Variants in RBFOX3 observed in about 807,000 individuals in gnomAD.
The protein encoded by RBFOX3 is RNA binding protein fox-1 homolog 3.
RBFOX3 carries 17 observed loss-of-function variants against 48.7 expected under a neutral mutation model. The ratio of observed to expected loss-of-function variants is 0.35; its 90% CI spans 0.24 to 0.52. RBFOX3 has a LOEUF of 0.52. Ranked by LOEUF, RBFOX3 falls within the 20% of genes least tolerant of loss-of-function variation. The pLI is 0.94. For missense variants in RBFOX3, 382 were observed against 497.5 expected (o/e 0.77, Z 2.21); for synonymous variants, 212 against 209.5 (o/e 1.01, Z -0.10).
At chr17:79,150,014 A>ATGGGGGTTGAGGGTGGGGGGGGGGGG (rs2044007288) in intron 4 of RBFOX3, among the ~76,000 whole-genome samples, 1 of 5,832 alleles carries the variant, frequency 1.7e-4, no homozygotes, top group Non-Finnish European at 3.4e-4. Context: ...GGGGATGGGG[A>ATGGGGGTTGAGGGTGGGGGGGGGGGG]TGGGGGTTGA....
At chr17:79,140,913 C>T (rs1469954038) in intron 4 of RBFOX3, among the ~76,000 whole-genome samples, 1 of 152,174 alleles carries the variant, frequency 6.6e-6, no homozygotes, top group Non-Finnish European at 1.5e-5. Context: ...CTTGAAAGGA[C>T]ACCTGGCTGT....
intron 1 of RBFOX3, among the ~76,000 whole-genome samples, chr17:79,567,928 T>C (rs949705306): frequency 6.6e-6 from 1 of 152,234 alleles, no homozygotes; most frequent in Non-Finnish European, 1.5e-5. Flanking sequence ...GCCTGACCTT[T>C]ACCTCTGCAC....
chr17:79,177,314 C>G (rs901396063), intron 4 of RBFOX3, among the ~76,000 whole-genome samples: 11 of 152,214 alleles, frequency 7.2e-5, no homozygotes, highest in Non-Finnish European at 1.3e-4. Flanking sequence ...GGCACGTGGG[C>G]TATCTTGGCC....
intron 4 of RBFOX3, among the ~76,000 whole-genome samples, chr17:79,187,029 C>T (rs979433878): frequency 2.0e-5 from 3 of 152,238 alleles, no homozygotes; most frequent in African/African-American, 4.8e-5. Flanking sequence ...TCAGTGTGTA[C>T]CTCTGTGAAA....
At chr17:79,630,628 C>T in the RBFOX3 span, among the ~76,000 whole-genome samples, 6 of 152,070 alleles carry the variant, frequency 3.9e-5, no homozygotes, top group Non-Finnish European at 8.8e-5. Context: ...AGGAAAAGGC[C>T]CAGCCCGTGT....
intron 1 of RBFOX3, among the ~76,000 whole-genome samples, chr17:79,559,718 G>A (rs1442539007): frequency 2.0e-5 from 3 of 146,792 alleles, no homozygotes; most frequent in African/African-American, 7.6e-5. Context: ...TGGATGATGG[G>A]TGGTGGATGG....
intron 1 of RBFOX3, among the ~76,000 whole-genome samples, chr17:79,570,595 T>A (rs2092639583): frequency 6.6e-6 from 1 of 152,152 alleles, no homozygotes; most frequent in African/African-American, 2.4e-5. Flanking sequence ...TGTATCTGAG[T>A]AATGTTTCCC....
intron 2 of RBFOX3, among the ~76,000 whole-genome samples, chr17:79,377,268 C>T (rs190011374): frequency 2.3e-4 from 35 of 152,200 alleles, no homozygotes; most frequent in Non-Finnish European, 3.7e-4. Flanking sequence ...CAGATGCATA[C>T]AGACATAATT....
chr17:79,310,749 G>A lies in RBFOX3; in HGVS notation c.-174-2925C>T, dbSNP rs143081010. On this transcript the variant is annotated intron_variant, in intron 2 of 14. Transcript: ENST00000693108. Reference sequence around the variant, plus strand: ...GACAAGTCACCCCCAGCGCTGCCTCGGCATTAAACATCTAATGCAAGTTAG... The same window carrying A: ...GACAAGTCACCCCCAGCGCTGCCTCAGCATTAAACATCTAATGCAAGTTAG... Among the ~76,000 whole-genome samples the A allele has an allele frequency of 1.1e-4, 17 of 152,246 alleles. No individual in the cohort carries two copies. The East Asian group carries it at 1.4e-3, about 12-fold the overall frequency.
At chr17:79,503,495 G>A (rs1263197367) in intron 1 of RBFOX3, among the ~76,000 whole-genome samples, 1 of 152,178 alleles carries the variant, frequency 6.6e-6, no homozygotes, top group Admixed American at 6.5e-5. Context: ...AATCAATACA[G>A]GGACTATCAA....
chr17:79,300,803 G>A (rs2075192601), intron 3 of RBFOX3, among the ~76,000 whole-genome samples: 1 of 152,204 alleles, frequency 6.6e-6, no homozygotes, highest in Admixed American at 6.5e-5. Context: ...CCTTGGTGAG[G>A]CACCTGGGGC....
chr17:79,659,253 C>T, the RBFOX3 span, among the ~76,000 whole-genome samples: 5 of 152,094 alleles, frequency 3.3e-5, no homozygotes, highest in South Asian at 4.2e-4. Context: ...TAAATCTTCC[C>T]GGAAAAAGAA....
chr17:79,660,673 GA>G, the RBFOX3 span, among the ~76,000 whole-genome samples: 1 of 152,214 alleles, frequency 6.6e-6, no homozygotes, highest in African/African-American at 2.4e-5. Context: ...GGAGGAAAAG[GA>G]ATGTTTTTAC....
intron 3 of RBFOX3, among the ~76,000 whole-genome samples, chr17:79,268,332 T>A (rs1359844515): frequency 1.3e-5 from 2 of 152,044 alleles, no homozygotes; most frequent in East Asian, 3.9e-4. Flanking sequence ...CTGCCCCTAC[T>A]CAAAAGTTCT....
chr17:79,439,329 G>T (rs969399751), intron 2 of RBFOX3, among the ~76,000 whole-genome samples: 2 of 152,218 alleles, frequency 1.3e-5, no homozygotes, highest in Admixed American at 1.3e-4. Context: ...AAGATAGAGC[G>T]AAATCGCTCT....
chr17:79,368,761 T>C (rs1531159), intron 2 of RBFOX3, among the ~76,000 whole-genome samples: 147,831 of 152,342 alleles, frequency 0.97, 71,878 homozygotes, highest in East Asian at 1. Flanking sequence ...GGGAGGTTGA[T>C]CCTCAGCCAG....
intron 2 of RBFOX3, among the ~76,000 whole-genome samples, chr17:79,436,679 C>T (rs531797439): frequency 5.3e-5 from 8 of 152,218 alleles, no homozygotes; most frequent in South Asian, 4.2e-4. Flanking sequence ...GGAACAAAGG[C>T]GCCTGCTTAT....
At chr17:79,281,388 G>A (rs2070445817) in intron 3 of RBFOX3, among the ~76,000 whole-genome samples, 1 of 151,718 alleles carries the variant, frequency 6.6e-6, no homozygotes, top group African/African-American at 2.4e-5. Context: ...GACTATCCAG[G>A]TGCCTTGGGC....
At position 79,101,621 on chromosome 17, in the gene RBFOX3, C is replaced by G. The variant is rs1273949899; in HGVS notation, c.531G>C (p.Val177=). The G allele has an allele frequency of 6.4e-6, 10 of 1,551,328 alleles. No individual in the cohort carries two copies. Among genetic ancestry groups the G allele is most frequent in the Non-Finnish European group, 8.7e-6 (10 of 1,146,954 alleles). Residue 177 remains valine (V), a synonymous_variant, in exon 9 of 15, where the codon GTG becomes GTC. Coordinates refer to ENST00000693108, the MANE Select transcript of RBFOX3 (RefSeq NM_001350451.2). ...KIEVNNATAR[V]MTNKKTGNPY... is the part of the protein sequence containing the mutation. ...GGTTCCCCGTCTTCTTGTTGGTCAT[C>G]ACTCGGGCCGTGGCATTATTGACCT...
Sources: gnomAD v4.1 joint callset for allele counts (sites outside exome capture counted in the v4.1 genomes callset) on GRCh38, gnomAD v4.1.1 for gene constraint, MANE v1.5 for transcripts, NCBI Gene and HGNC (gene_info 2026-07-23, HGNC 2026-07-21) for gene names.